PDE11A: variants seen among roughly 807,000 people sequenced by gnomAD.
PDE11A encodes phosphodiesterase 11A.
A neutral mutation model predicts 100.5 loss-of-function variants in PDE11A; 100 were observed. That is an observed-to-expected ratio of 1.00 (90% CI 0.85 to 1.18). PDE11A has a LOEUF of 1.18. Ranked by LOEUF, PDE11A falls within the 50% of genes most tolerant of loss-of-function variation. The pLI is 0.00. For missense variants in PDE11A, 1,141 were observed against 1,152.6 expected (o/e 0.99, Z 0.15); for synonymous variants, 381 against 420.8 (o/e 0.91, Z 1.16).
chr2:177,820,924 C>A (rs1239833467), intron 6 of PDE11A, among the ~76,000 whole-genome samples: 1 of 151,740 alleles, frequency 6.6e-6, no homozygotes, highest in Admixed American at 6.6e-5. Flanking sequence ...TAACAAACTC[C>A]ATTTAATATT....
chr2:177,722,868 G>T (rs1228022714), intron 12 of PDE11A, among the ~76,000 whole-genome samples: 1 of 151,904 alleles, frequency 6.6e-6, no homozygotes, highest in Admixed American at 6.6e-5. Context: ...CTACTTTTTT[G>T]ATAAGGAAAT....
chr2:177,651,405 C>T (rs543027988), intron 19 of PDE11A, among the ~76,000 whole-genome samples: 45 of 152,294 alleles, frequency 3.0e-4, no homozygotes, highest in African/African-American at 1.0e-3. Flanking sequence ...TCATCAATTC[C>T]ATTTGCTCCA....
At chr2:177,771,027 T>C (rs1013913739) in intron 9 of PDE11A, among the ~76,000 whole-genome samples, 5 of 152,176 alleles carry the variant, frequency 3.3e-5, no homozygotes, top group Non-Finnish European at 7.3e-5. Context: ...AGGTGTCTCA[T>C]CATGTTTTCC....
At chr2:177,852,457 G>A (rs1273423638) in intron 5 of PDE11A, among the ~76,000 whole-genome samples, 1 of 152,098 alleles carries the variant, frequency 6.6e-6, no homozygotes, top group Non-Finnish European at 1.5e-5. Flanking sequence ...CTGAGGTTGG[G>A]TTCACAAAAA....
rs1376264633 is a variant in PDE11A, at chr2:177,875,749, G to T, written c.1367+110C>A. The stretch of plus-strand genomic sequence containing the variant: ...AAATACAGAAGAGTCACGATATTTG[G>T]TTGTGCTTGCTAATATAAAGAACTA... On this transcript the variant is annotated intron_variant, in intron 5 of 19. Coordinates refer to ENST00000286063, the MANE Select transcript of PDE11A (RefSeq NM_016953.4). The T allele has an allele frequency of 3.9e-6, 3 of 765,736 alleles. No individual in the cohort carries two copies. In the African/African-American group the frequency reaches 5.2e-5, roughly 13 times the overall value. 47.4% of individuals were successfully genotyped at this position (765,736 alleles called of 1,614,324 possible). A position where few individuals can be genotyped will look rare whatever the true frequency, so the allele number is the denominator to read the frequency against.
At chr2:177,888,698 T>C in intron 4 of PDE11A, 3 of 971,802 alleles carry the variant, frequency 3.1e-6, no homozygotes, top group Non-Finnish European at 2.4e-6. Flanking sequence ...AGGATTGTAT[T>C]TGCAGTGAGC....
rs57211363 is a variant in PDE11A at position 177,713,987 on chromosome 2, C to CTTTTTTTTTTTTTTTTTT, written c.2044-2127_2044-2110dup. On this transcript the variant is annotated intron_variant, in intron 12 of 19. Coordinates refer to ENST00000286063, the MANE Select transcript of PDE11A (RefSeq NM_016953.4). ...TCCCACCATATTTCTTTTCTTTTTT[C>CTTTTTTTTTTTTTTTTTT]TTTTTTTTTTTTTTTTTTTTTTTTG... 1.6e-4 allele frequency among the ~76,000 whole-genome samples: 12 copies of CTTTTTTTTTTTTTTTTTT among 77,370 alleles called. 1 individual carries two copies. The highest frequency in any genetic ancestry group is 2.1e-4 in the African/African-American group (4 of 18,804). 50.8% of individuals were successfully genotyped at this position (77,370 alleles called of 152,430 possible).
At chr2:177,656,371 C>G (rs1189686062) in intron 19 of PDE11A, among the ~76,000 whole-genome samples, 2 of 152,150 alleles carry the variant, frequency 1.3e-5, no homozygotes, top group Non-Finnish European at 2.9e-5. Context: ...CCCATATAGC[C>G]TAGGTGTGTA....
chr2:178,091,325 C>G (rs2087420353), intron 2 of PDE11A, among the ~76,000 whole-genome samples: 1 of 152,168 alleles, frequency 6.6e-6, no homozygotes, highest in Non-Finnish European at 1.5e-5. Context: ...TGCACCTCGG[C>G]CTCCCAAAGT....
intron 6 of PDE11A, among the ~76,000 whole-genome samples, chr2:177,832,752 T>C (rs1433149187): frequency 6.6e-6 from 1 of 152,092 alleles, no homozygotes; most frequent in Non-Finnish European, 1.5e-5. Context: ...TCCGCTGGTA[T>C]GGGAAGAATG....
chr2:177,986,886 A>C (rs2085946904), intron 2 of PDE11A, among the ~76,000 whole-genome samples: 1 of 152,080 alleles, frequency 6.6e-6, no homozygotes, highest in Non-Finnish European at 1.5e-5. Context: ...TAGATGATGA[A>C]GATTAAATGA....
intron 2 of PDE11A, among the ~76,000 whole-genome samples, chr2:178,006,672 A>G (rs2086215635): frequency 6.6e-6 from 1 of 152,198 alleles, no homozygotes; most frequent in South Asian, 2.1e-4. Flanking sequence ...GAACAAAATT[A>G]TTGAACAAAG....
chr2:177,917,614 T>C (rs536452577), intron 2 of PDE11A, among the ~76,000 whole-genome samples: 1 of 152,230 alleles, frequency 6.6e-6, no homozygotes, highest in African/African-American at 2.4e-5. Context: ...ACAGTATTTT[T>C]AAAAATCTCA....
At chr2:177,704,904 G>C (rs182653142) in intron 13 of PDE11A, among the ~76,000 whole-genome samples, 13 of 152,152 alleles carry the variant, frequency 8.5e-5, no homozygotes, top group Non-Finnish European at 8.8e-5. Flanking sequence ...GCAATGGCGC[G>C]ATGTTGGCTT....
chr2:177,731,852 T>G (rs756825571), intron 10 of PDE11A, among the ~76,000 whole-genome samples: 1 of 152,204 alleles, frequency 6.6e-6, no homozygotes, highest in Non-Finnish European at 1.5e-5. Flanking sequence ...TTACTTTCTA[T>G]TCATCCATCT....
chr2:177,849,370 A>G (rs1369364877), intron 5 of PDE11A, among the ~76,000 whole-genome samples: 1 of 152,214 alleles, frequency 6.6e-6, no homozygotes, highest in Non-Finnish European at 1.5e-5. Context: ...CTGGAAGAGA[A>G]AGAAGATAAA....
chr2:177,692,051 T>C (rs901892978), intron 15 of PDE11A, among the ~76,000 whole-genome samples: 4 of 152,144 alleles, frequency 2.6e-5, no homozygotes, highest in African/African-American at 9.7e-5. Context: ...TTGGCTCAAA[T>C]AAACTCTCTA....
At chr2:177,736,917 C>CAAACACACAATACCT (rs1192745895) in intron 10 of PDE11A, among the ~76,000 whole-genome samples, 1 of 152,172 alleles carries the variant, frequency 6.6e-6, no homozygotes, top group African/African-American at 2.4e-5. Flanking sequence ...GCTTAGTCAC[C>CAAACACACAATACCT]AAACACACAA....
chr2:177,992,114 TTAA>T (rs1253784844), intron 2 of PDE11A, among the ~76,000 whole-genome samples: 4 of 151,174 alleles, frequency 2.6e-5, no homozygotes, highest in Non-Finnish European at 5.9e-5. Context: ...TCACATAATC[TTAA>T]TAAAGACAGT....
Sources: allele counts gnomAD v4.1 joint callset (sites outside exome capture counted in the v4.1 genomes callset), GRCh38; gene constraint gnomAD v4.1.1; transcripts MANE v1.5; gene names NCBI Gene and HGNC (gene_info 2026-07-23, HGNC 2026-07-21).